The following GDPD5 variants were observed in gnomAD, a reference collection of about 807,000 sequenced individuals.
GDPD5 encodes glycerophosphodiester phosphodiesterase 2.
Under a neutral mutation model 75.1 loss-of-function variants are expected in GDPD5, and 48 were observed. The observed-to-expected ratio is 0.64, with a 90% CI of 0.51 to 0.81. The LOEUF is 0.81. Among genes scored for constraint, GDPD5 ranks in the 40% least tolerant of loss-of-function variants. The pLI is 0.00. For missense variants in GDPD5, 706 were observed against 822.6 expected (o/e 0.86, Z 1.73); for synonymous variants, 336 against 339.0 (o/e 0.99, Z 0.10).
chr11:75,457,702 A>C lies in GDPD5; in HGVS notation c.306T>G (p.Ala102=). The C allele has an allele frequency of 6.2e-7, 1 of 1,614,078 alleles. No individual in the cohort carries two copies. The highest frequency in any genetic ancestry group is 8.5e-7 in the Non-Finnish European group (1 of 1,179,940). ...VTTAAAFAYI[A]GLLVLALCHI... ...AAACAGCCCCATGTACCAGGAGGCCAGCGATGTATGCGAAGGCAGCAGCTG... is the reference window on the plus strand; with the variant it reads ...AAACAGCCCCATGTACCAGGAGGCCCGCGATGTATGCGAAGGCAGCAGCTG... The change falls in exon 5 of 17, where the codon GCT becomes GCG. Residue 102 remains alanine, a synonymous_variant. Transcript: ENST00000336898.
At chr11:75,459,959 C>G (rs181512788) in intron 4 of GDPD5, among the ~76,000 whole-genome samples, 119 of 152,320 alleles carry the variant, frequency 7.8e-4, no homozygotes, top group African/African-American at 2.7e-3. Context: ...CCTTGCCAGA[C>G]AGCTGGGAAG....
chr11:75,482,666 C>T (rs978180709), intron 2 of GDPD5, among the ~76,000 whole-genome samples: 7 of 152,196 alleles, frequency 4.6e-5, no homozygotes, highest in East Asian at 1.9e-4. Context: ...AGGCAGTGAC[C>T]GGGATCTGAC....
intron 1 of GDPD5, among the ~76,000 whole-genome samples, chr11:75,518,466 A>G (rs1950688766): frequency 6.6e-6 from 1 of 152,196 alleles, no homozygotes; most frequent in Non-Finnish European, 1.5e-5. Context: ...GGGGAGCTTC[A>G]TCAACTACTG....
chr11:75,520,070 A>T (rs1363610294), intron 1 of GDPD5, among the ~76,000 whole-genome samples: 1 of 152,192 alleles, frequency 6.6e-6, no homozygotes, highest in African/African-American at 2.4e-5. Context: ...CCAGGCCAAC[A>T]GCACCTGCTT....
rs1161929688 is a variant in GDPD5 at position 75,439,922 on chromosome 11, G to A, written c.1513C>T (p.Leu505=). 6.2e-7 allele frequency: 1 copy of A among 1,613,854 alleles called. No individual in the cohort carries two copies. Among genetic ancestry groups the A allele is most frequent in the Non-Finnish European group, 8.5e-7 (1 of 1,179,934 alleles). Residue 505 remains leucine (L), a synonymous_variant, in exon 15 of 17, where the codon CTG becomes TTG. Coordinates refer to ENST00000336898, the MANE Select transcript of GDPD5 (RefSeq NM_030792.8). ...EYCLMWVTAD[L]VSFTLIVGIF... ...CCCACGATGAGGGTGAAGGAGACCA[G>A]GTCGGCAGTGACCCACATGAGACAG...
At chr11:75,498,318 C>T (rs573100366) in intron 1 of GDPD5, among the ~76,000 whole-genome samples, 1 of 152,328 alleles carries the variant, frequency 6.6e-6, no homozygotes, top group East Asian at 1.9e-4. Context: ...AATGTGTTGA[C>T]CAACGCAAGT....
chr11:75,468,844 C>T (rs945979890), intron 3 of GDPD5, among the ~76,000 whole-genome samples: 1 of 152,224 alleles, frequency 6.6e-6, no homozygotes, highest in Non-Finnish European at 1.5e-5. Context: ...CACCCAGGCC[C>T]TTTTCCCACC....
chr11:75,467,917 C>T (rs922570784), intron 3 of GDPD5, among the ~76,000 whole-genome samples: 1 of 152,188 alleles, frequency 6.6e-6, no homozygotes, highest in South Asian at 2.1e-4. Context: ...TCTCTTCACC[C>T]TTCTTTGTCT....
intron 6 of GDPD5, 54 bp downstream of exon 6, chr11:75,456,703 T>A: frequency 6.4e-7 from 1 of 1,568,174 alleles, no homozygotes; most frequent in Non-Finnish European, 8.8e-7. Flanking sequence ...CCTCTGCTGC[T>A]GCTGCCTCCA....
At chr11:75,495,634 T>G (rs1950194523) in intron 1 of GDPD5, among the ~76,000 whole-genome samples, 1 of 152,208 alleles carries the variant, frequency 6.6e-6, no homozygotes, top group African/African-American at 2.4e-5. Flanking sequence ...ACAATGTACG[T>G]ATTTCAATGT....
intron 1 of GDPD5, among the ~76,000 whole-genome samples, chr11:75,496,242 G>A (rs1364979496): frequency 6.6e-6 from 1 of 152,228 alleles, no homozygotes; most frequent in East Asian, 1.9e-4. Flanking sequence ...AGTGGTCATG[G>A]TGACCTGTAG....
chr11:75,442,575 G>C lies in GDPD5; in HGVS notation c.955C>G (p.Pro319Ala), dbSNP rs1271861818. 6.2e-7 allele frequency: 1 copy of C among 1,613,876 alleles called. No homozygotes were observed. Among genetic ancestry groups the C allele is most frequent in the Non-Finnish European group, 8.5e-7 (1 of 1,179,966 alleles). ...GACAGGGAGCTGGCTGTCCAGAAGGGGTCAGTCTGGCAGGGACAGGGACAC... is the reference window on the plus strand; with the variant it reads ...GACAGGGAGCTGGCTGTCCAGAAGGCGTCAGTCTGGCAGGGACAGGGACAC... ...NAGQWFLKTD[P>A]FWTASSLSPS... The change falls in exon 12 of 17, where the codon CCC becomes GCC. Residue 319 changes from proline (P) to alanine (A), a missense_variant. Pro to Ala is a conservative substitution (Grantham distance 27, BLOSUM62 -1). Transcript: ENST00000336898.
chr11:75,506,893 A>G (rs1950410443), intron 1 of GDPD5: 2 of 152,328 alleles, frequency 1.3e-5, no homozygotes, highest in Admixed American at 1.3e-4. Context: ...GCTGGGCTCT[A>G]GAGTGTGCAC....
At chr11:75,473,998 A>G (rs1793416) in intron 3 of GDPD5, among the ~76,000 whole-genome samples, 50,265 of 152,140 alleles carry the variant, frequency 0.33, 10,466 homozygotes, top group Non-Finnish European at 0.49. Flanking sequence ...ACCCCAGAGC[A>G]GGTAGCAGGA....
intron 9 of GDPD5, among the ~76,000 whole-genome samples, chr11:75,446,591 G>A (rs1009433331): frequency 3.3e-5 from 5 of 152,140 alleles, no homozygotes; most frequent in Admixed American, 6.5e-5. Context: ...TAAAGTACAC[G>A]TACACACATG....
At chr11:75,515,269 C>T (rs1037108061) in intron 1 of GDPD5, among the ~76,000 whole-genome samples, 4 of 152,232 alleles carry the variant, frequency 2.6e-5, no homozygotes, top group Non-Finnish European at 4.4e-5. Flanking sequence ...GACAACACCC[C>T]GTGGGGGCCT....
In GDPD5 at chr11:75,499,908, G is replaced by C. The variant is rs191733391; in HGVS notation, c.-144-9588C>G. On this transcript the variant is annotated intron_variant, in intron 1 of 16. Coordinates refer to ENST00000336898, the MANE Select transcript of GDPD5 (RefSeq NM_030792.8). Reference sequence around the variant, plus strand: ...GAGCTTCAACTCCTGACCTGAACCTGGTTTACGAGGATGCTCTGAGCTAGT... The same window carrying C: ...GAGCTTCAACTCCTGACCTGAACCTCGTTTACGAGGATGCTCTGAGCTAGT... Among the ~76,000 whole-genome samples the C allele has an allele frequency of 4.0e-3, 609 of 152,326 alleles. 1 individual carries two copies. The highest frequency in any genetic ancestry group is 6.3e-3 in the Non-Finnish European group (431 of 68,030).
chr11:75,456,408 G>A (rs1183993198), intron 6 of GDPD5: 1 of 270,910 alleles, frequency 3.7e-6, no homozygotes, highest in Non-Finnish European at 7.1e-6. Context: ...GCCACAGTAT[G>A]AGCTGTGAGC....
At chr11:75,485,704 C>G (rs1156932230) in intron 2 of GDPD5, 1 of 152,246 alleles carries the variant, frequency 6.6e-6, no homozygotes, top group African/African-American at 2.4e-5. Flanking sequence ...ACGTTTCTAT[C>G]ACCTTCCACG....
Sources: allele counts gnomAD v4.1 joint callset (sites outside exome capture counted in the v4.1 genomes callset), GRCh38; gene constraint gnomAD v4.1.1; transcripts MANE v1.5; gene names NCBI Gene and HGNC (gene_info 2026-07-23, HGNC 2026-07-21).